The following TMEM120A variants were observed in gnomAD, a reference collection of about 807,000 sequenced individuals.
TMEM120A encodes transmembrane protein 120A, also known as ion channel TACAN.
Under a neutral mutation model 54.3 loss-of-function variants are expected in TMEM120A, and 45 were observed. The ratio of observed to expected loss-of-function variants is 0.83; its 90% CI spans 0.65 to 1.06. TMEM120A has a LOEUF of 1.06. Among genes scored for constraint, TMEM120A ranks in the 50% least tolerant of loss-of-function variants. TMEM120A has a pLI of 0.00. For synonymous variants in TMEM120A, 204 were observed against 178.5 expected, an observed-to-expected ratio of 1.14 and a Z score of -1.14; for missense variants, 424 against 441.7, an observed-to-expected ratio of 0.96 and a Z score of 0.36.
In TMEM120A at chr7:75,986,977, G is replaced by A. The variant is rs547113466; in HGVS notation, c.*195C>T. On this transcript the variant is annotated 3_prime_UTR_variant, in exon 12 of 12. Coordinates refer to ENST00000493111, the MANE Select transcript of TMEM120A (RefSeq NM_031925.3). ...TCCCCTCCCCCAGGAGAACACACAC[G>A]CTCAGGCCACCTCTGGGCCTCTCTT... 1.4e-3 allele frequency: 712 copies of A among 507,618 alleles called. 3 individuals carry two copies. The highest frequency in any genetic ancestry group is 0.011 in the Middle Eastern group (38 of 3,396). The allele number at this position is 507,618 out of a possible 1,614,324, so 31.4% of individuals were successfully genotyped here. A position where few individuals can be genotyped will look rare whatever the true frequency, so the allele number is the denominator to read the frequency against.
At chr7:75,988,373 G>T in intron 5 of TMEM120A, 32 bp from the exon 6 acceptor site, 5 of 1,580,590 alleles carry the variant, frequency 3.2e-6, no homozygotes, top group Non-Finnish European at 4.3e-6. Context: ...GGTTGGTACT[G>T]CAGCGACTGG....
intron 3 of TMEM120A, 52 bp from the exon 4 acceptor site, chr7:75,989,276 C>A (rs1789741753): frequency 1.6e-6 from 2 of 1,237,866 alleles, no homozygotes; most frequent in African/African-American, 3.0e-5. Context: ...AGACAAGCCA[C>A]CGGTACTCAG....
rs148199537 is a variant in TMEM120A at position 75,990,617 on chromosome 7, G to A, written c.318-1393C>T. ...AGTCTCCCAGAGGGCTGGGTGCGGTGGCTCACACCTGTAATCCCAGCACTT... is the reference window on the plus strand; with the variant it reads ...AGTCTCCCAGAGGGCTGGGTGCGGTAGCTCACACCTGTAATCCCAGCACTT... On this transcript the variant is annotated intron_variant, in intron 3 of 11. Transcript: ENST00000493111. Among the ~76,000 whole-genome samples the A allele has an allele frequency of 6.6e-3, 1,009 of 152,226 alleles. 13 individuals are homozygous for A. Among genetic ancestry groups the A allele is most frequent in the African/African-American group, 0.021 (882 of 41,540 alleles).
rs1789605876 is a variant in TMEM120A at position 75,987,939 on chromosome 7, GGA to G, written c.673_674del (p.Ser225LeufsTer64). 6.2e-7 allele frequency: 1 copy of G among 1,603,778 alleles called. No homozygotes were observed. Among genetic ancestry groups the G allele is most frequent in the African/African-American group, 1.3e-5 (1 of 74,868 alleles). The part of the protein sequence containing the change: ...MYQKFRNQFL[S>X]FSMYQSFVQF... ...GACACTCACTCTGGTACATGGAAAA[GGA>G]GAGGAATTGGTTCCGGAATTTCTGG... On this transcript the variant is annotated frameshift_variant, in exon 8 of 12. Transcript: ENST00000493111. LOFTEE classifies it high-confidence loss of function.
Position 75,987,066 on chromosome 7 carries a change from A to C in TMEM120A, c.*106T>G, listed in dbSNP as rs1384824141. 1 of 954,102 alleles carries C rather than the reference A, an allele frequency of 1.0e-6. No individual in the cohort carries two copies. Among genetic ancestry groups the C allele is most frequent in the African/African-American group, 1.7e-5 (1 of 60,586 alleles). 59.1% of individuals were successfully genotyped at this position (954,102 alleles called of 1,614,324 possible). A position where few individuals can be genotyped will look rare whatever the true frequency, so the allele number is the denominator to read the frequency against. Reference sequence around the variant, plus strand: ...ACAGCGCCCATAAAACCCAAGGGAGAATAGAAGAGACCCCCTGATACACGC... The same window carrying C: ...ACAGCGCCCATAAAACCCAAGGGAGCATAGAAGAGACCCCCTGATACACGC... On this transcript the variant is annotated 3_prime_UTR_variant, in exon 12 of 12. Transcript: ENST00000493111.
chr7:75,987,697 C>A, intron 9 of TMEM120A, 21 bp downstream of exon 9: 24 of 1,611,038 alleles, frequency 1.5e-5, no homozygotes, highest in Non-Finnish European at 2.0e-5. Flanking sequence ...TGTCCAGATG[C>A]CAGGGCCACT....
intron 1 of TMEM120A, among the ~76,000 whole-genome samples, chr7:75,993,936 G>T (rs1274718627): frequency 6.6e-6 from 1 of 152,022 alleles, no homozygotes; most frequent in East Asian, 1.9e-4. Flanking sequence ...CGTCCCTGCA[G>T]GGCCTAGCCC....
At chr7:75,993,523 G>C (rs1789925329) in intron 1 of TMEM120A, among the ~76,000 whole-genome samples, 1 of 152,270 alleles carries the variant, frequency 6.6e-6, no homozygotes, top group Admixed American at 6.5e-5. Context: ...GCGGCGGCCA[G>C]GCGGGGAGAC....
chr7:75,987,700 G>A lies in TMEM120A; in HGVS notation c.784+18C>T. 6.2e-7 allele frequency: 1 copy of A among 1,611,456 alleles called. No homozygotes were observed. The highest frequency in any genetic ancestry group is 1.1e-5 in the South Asian group (1 of 90,816). On this transcript the variant is annotated intron_variant, in intron 9 of 11. Coordinates refer to ENST00000493111, the MANE Select transcript of TMEM120A (RefSeq NM_031925.3). ...AGGAAAGGGGAATGTCCAGATGCCA[G>A]GGCCACTCCCGACTCACCCACAGTG...
In TMEM120A at chr7:75,987,526, G is replaced by C. The variant is rs372225303; in HGVS notation, c.849+12C>G. The C allele has an allele frequency of 1.3e-6, 2 of 1,583,748 alleles. No homozygotes were observed. The highest frequency in any genetic ancestry group is 2.3e-5 in the South Asian group (2 of 87,286). ...ACAGACAGACAGGCAGGGACACAGA[G>C]GCACGACTTACGTGTCCAAAGAAAA... On this transcript the variant is annotated intron_variant, in intron 10 of 11. Transcript: ENST00000493111.
intron 1 of TMEM120A, 132 bp from the exon 2 acceptor site, chr7:75,992,689 G>GTGCCTGCCCAGGGATGAGGTGGC (rs1789897056): frequency 1.5e-6 from 1 of 657,850 alleles, no homozygotes; most frequent in African/African-American, 1.8e-5. Flanking sequence ...AGGTAGAACT[G>GTGCCTGCCCAGGGATGAGGTGGC]TGCCTGCCCA....
rs1482302857 is a variant in TMEM120A, at chr7:75,986,897, C to CATCA, written c.*271_*274dup. 1.7e-6 allele frequency: 1 copy of CATCA among 584,734 alleles called. No individual in the cohort carries two copies. The highest frequency in any genetic ancestry group is 3.2e-5 in the Admixed American group (1 of 31,162). 36.2% of individuals were successfully genotyped at this position (584,734 alleles called of 1,614,324 possible). ...TGAGTAGATCTGGGACCTCCACCTGCATCAACTTAACTAACTCAGACCCCA... is the reference window on the plus strand; with the variant it reads ...TGAGTAGATCTGGGACCTCCACCTGCATCAATCAACTTAACTAACTCAGACCCCA... On this transcript the variant is annotated 3_prime_UTR_variant, in exon 12 of 12. Transcript: ENST00000493111.
At chr7:75,988,560 C>CA in intron 4 of TMEM120A, 44 bp from the exon 5 acceptor site, 1 of 1,402,868 alleles carries the variant, frequency 7.1e-7, no homozygotes, top group Non-Finnish European at 9.9e-7. Context: ...GCTGGTGGGG[C>CA]CCATGTGTGC....
chr7:75,987,689 T>C (rs1300919970), intron 9 of TMEM120A, 29 bp downstream of exon 9: 3 of 1,609,948 alleles, frequency 1.9e-6, no homozygotes, highest in African/African-American at 2.7e-5. Flanking sequence ...AAGGGGAATG[T>C]CCAGATGCCA....
chr7:75,989,237 G>GT lies in TMEM120A; in HGVS notation c.318-14dup. 6.4e-7 allele frequency: 1 copy of GT among 1,551,254 alleles called. No individual in the cohort carries two copies. Among genetic ancestry groups the GT allele is most frequent in the South Asian group, 1.2e-5 (1 of 84,656 alleles). On this transcript the variant is annotated splice_polypyrimidine_tract_variant and intron_variant, in intron 3 of 11. Transcript: ENST00000493111. ...GCTCAGGTACAATCTAGGGAAGGGG[G>GT]TGGCGGGGTGAGGAGAAGCCCGAGT...
Position 75,987,565 on chromosome 7 carries a change from G to A in TMEM120A, c.822C>T (p.Phe274=), listed in dbSNP as rs782252864. The part of the protein sequence containing the change: ...FQSWMWRGLT[F]LLPFLFFGHF... ...GTCCAAAGAAAAGAAAAGGCAGCAGGAAGGTGAGGCCCCGCCACATCCAGG... is the reference window on the plus strand; with the variant it reads ...GTCCAAAGAAAAGAAAAGGCAGCAGAAAGGTGAGGCCCCGCCACATCCAGG... The change falls in exon 10 of 12, where the codon TTC becomes TTT. Residue 274 remains phenylalanine (F), a synonymous_variant. Coordinates refer to ENST00000493111, the MANE Select transcript of TMEM120A (RefSeq NM_031925.3). The A allele has an allele frequency of 1.9e-6, 3 of 1,600,446 alleles. No homozygotes were observed. Among genetic ancestry groups the A allele is most frequent in the South Asian group, 2.2e-5 (2 of 89,464 alleles).
intron 4 of TMEM120A, 145 bp downstream of exon 4, chr7:75,989,016 GTGGA>G: frequency 8.5e-6 from 1 of 118,244 alleles, no homozygotes; most frequent in Non-Finnish European, 2.0e-5. Context: ...GGGGTGGGGG[GTGGA>G]GGGGAAGGCC....
intron 3 of TMEM120A, among the ~76,000 whole-genome samples, chr7:75,991,156 C>T (rs1789829919): frequency 6.6e-6 from 1 of 152,070 alleles, no homozygotes; most frequent in African/African-American, 2.4e-5. Flanking sequence ...ATTTTTTGCT[C>T]AGCAGGGGGT....
rs561914297 is a variant in TMEM120A, at chr7:75,992,029, C to T, written c.317+115G>A. 3.2e-5 allele frequency: 23 copies of T among 715,040 alleles called. No individual in the cohort carries two copies. In the Admixed American group the frequency reaches 4.0e-4, roughly 12 times the overall value. The allele number at this position is 715,040 out of a possible 1,614,324, so 44.3% of individuals were successfully genotyped here. ...CTGAAGTCAGCACTGTGCCTCATTGCTCAGCCTGTACTGGGCCCAGGGAAC... is the reference window on the plus strand; with the variant it reads ...CTGAAGTCAGCACTGTGCCTCATTGTTCAGCCTGTACTGGGCCCAGGGAAC... On this transcript the variant is annotated intron_variant, in intron 3 of 11. Coordinates refer to ENST00000493111, the MANE Select transcript of TMEM120A (RefSeq NM_031925.3).
Sources: gnomAD v4.1 joint callset for allele counts (sites outside exome capture counted in the v4.1 genomes callset) on GRCh38, gnomAD v4.1.1 for gene constraint, MANE v1.5 for transcripts, NCBI Gene and HGNC (gene_info 2026-07-23, HGNC 2026-07-21) for gene names.